Variants in ANKFN1 observed in about 807,000 individuals in gnomAD.
ANKFN1 encodes ankyrin repeat and fibronectin type III domain containing 1.
Under a neutral mutation model 108.7 loss-of-function variants are expected in ANKFN1, and 74 were observed. The ratio of observed to expected loss-of-function variants is 0.68; its 90% CI spans 0.56 to 0.83. ANKFN1 has a LOEUF of 0.83. Among genes scored for constraint, ANKFN1 ranks in the 40% least tolerant of loss-of-function variants. The pLI is 0.00. For missense variants in ANKFN1, 1,505 were observed against 1,382.3 expected (o/e 1.09, Z -1.41); for synonymous variants, 547 against 516.2 (o/e 1.06, Z -0.81).
intron 8 of ANKFN1, among the ~76,000 whole-genome samples, chr17:56,420,240 G>C (rs1422681759): frequency 2.0e-5 from 3 of 152,136 alleles, no homozygotes; most frequent in Admixed American, 6.5e-5. Context: ...AGAACCTGCT[G>C]ACTTAGAGGA....
chr17:56,074,788 T>A (rs1184520698), intron 4 of ANKFN1, among the ~76,000 whole-genome samples: 2 of 152,160 alleles, frequency 1.3e-5, no homozygotes, highest in African/African-American at 4.8e-5. Flanking sequence ...TCCTTAATAA[T>A]GAAAATAAAT....
At chr17:56,462,545 G>A (rs774207865) in intron 14 of ANKFN1, among the ~76,000 whole-genome samples, 2 of 152,182 alleles carry the variant, frequency 1.3e-5, no homozygotes, top group Admixed American at 6.5e-5. Flanking sequence ...GGTGAGCTGA[G>A]ATCGCACCAT....
intron 3 of ANKFN1, among the ~76,000 whole-genome samples, chr17:56,243,122 G>C (rs1417041575): frequency 2.6e-5 from 4 of 151,924 alleles, no homozygotes; most frequent in Non-Finnish European, 5.9e-5. Context: ...ATTTTCTTTT[G>C]TTGTTGTGGT....
chr17:56,354,153 T>C, intron 6 of ANKFN1, 107 bp downstream of exon 6: 1 of 1,021,576 alleles, frequency 9.8e-7, no homozygotes, highest in Non-Finnish European at 1.4e-6. Flanking sequence ...TGACTAAGCA[T>C]AGACTCTGAT....
chr17:56,383,030 TC>T (rs1347037118), intron 8 of ANKFN1, among the ~76,000 whole-genome samples: 1 of 152,156 alleles, frequency 6.6e-6, no homozygotes, highest in African/African-American at 2.4e-5. Context: ...ATATACATTT[TC>T]TTCAGCACCA....
chr17:56,344,782 T>A (rs1044583586), intron 4 of ANKFN1, among the ~76,000 whole-genome samples: 1 of 152,002 alleles, frequency 6.6e-6, no homozygotes, highest in Non-Finnish European at 1.5e-5. Context: ...GATGAAATAA[T>A]GACAGTTCTC....
intron 20 of ANKFN1, among the ~76,000 whole-genome samples, chr17:56,505,482 A>T (rs894757459): frequency 6.6e-6 from 1 of 152,320 alleles, no homozygotes; most frequent in East Asian, 1.9e-4. Context: ...TGGGAAATAC[A>T]AAAGATTCTA....
At chr17:56,499,882 C>T (rs1271251849) in intron 20 of ANKFN1, among the ~76,000 whole-genome samples, 4 of 152,218 alleles carry the variant, frequency 2.6e-5, no homozygotes, top group Non-Finnish European at 4.4e-5. Flanking sequence ...AAAGTAATGG[C>T]GATTCAAAGC....
chr17:56,110,025 T>C (rs1235842142), intron 4 of ANKFN1, among the ~76,000 whole-genome samples: 2 of 152,278 alleles, frequency 1.3e-5, no homozygotes, highest in African/African-American at 4.8e-5. Flanking sequence ...CCAGGAGAGG[T>C]TGGTTAGTTT....
chr17:56,159,624 A>G (rs1909455511), intron 1 of ANKFN1, among the ~76,000 whole-genome samples: 1 of 152,216 alleles, frequency 6.6e-6, no homozygotes, highest in South Asian at 2.1e-4. Flanking sequence ...GACAGTGTCC[A>G]TTGGAGACAC....
chr17:56,489,702 T>G (rs1027882434), intron 18 of ANKFN1, among the ~76,000 whole-genome samples: 6 of 152,192 alleles, frequency 3.9e-5, no homozygotes, highest in African/African-American at 1.4e-4. Context: ...TCCAGTCATA[T>G]TTTAGAAAGG....
At chr17:56,500,517 C>G (rs1357698929) in intron 20 of ANKFN1, among the ~76,000 whole-genome samples, 1 of 152,108 alleles carries the variant, frequency 6.6e-6, no homozygotes, top group African/African-American at 2.4e-5. Flanking sequence ...GATATATTAA[C>G]AAAAAATTAC....
chr17:56,404,860 T>A (rs2047871143), intron 8 of ANKFN1, among the ~76,000 whole-genome samples: 1 of 152,228 alleles, frequency 6.6e-6, no homozygotes, highest in South Asian at 2.1e-4. Flanking sequence ...GTTACCTTGA[T>A]GTAATACTCT....
intron 4 of ANKFN1, among the ~76,000 whole-genome samples, chr17:56,096,089 A>C (rs925032429): frequency 2.0e-5 from 3 of 152,206 alleles, no homozygotes; most frequent in African/African-American, 7.2e-5. Context: ...TGTTAGCACT[A>C]AATTAAAGAG....
chr17:56,088,098 A>G (rs1905349739), intron 4 of ANKFN1, among the ~76,000 whole-genome samples: 2 of 151,290 alleles, frequency 1.3e-5, no homozygotes, highest in Non-Finnish European at 1.5e-5. Context: ...CCCTCCAGGT[A>G]GAATCTTCTT....
At chr17:56,228,032 C>T (rs1916417534) in intron 3 of ANKFN1, 75 bp downstream of exon 3, 6 of 1,245,498 alleles carry the variant, frequency 4.8e-6, no homozygotes, top group African/African-American at 3.1e-5. Flanking sequence ...CTTTAAGGCT[C>T]CCATCTCACA....
At chr17:56,113,681 A>G (rs1906102569) in intron 4 of ANKFN1, among the ~76,000 whole-genome samples, 1 of 152,244 alleles carries the variant, frequency 6.6e-6, no homozygotes, top group Non-Finnish European at 1.5e-5. Context: ...GGTGCCTGGA[A>G]AATAAACATT....
At chr17:56,050,727 G>A (rs1400574951) in intron 4 of ANKFN1, among the ~76,000 whole-genome samples, 5 of 151,928 alleles carry the variant, frequency 3.3e-5, no homozygotes, top group African/African-American at 1.2e-4. Flanking sequence ...ATTTCTGAGG[G>A]CTCTGTTCTG....
At chr17:56,171,766 A>G (rs1598176500) in intron 1 of ANKFN1, among the ~76,000 whole-genome samples, 1 of 152,192 alleles carries the variant, frequency 6.6e-6, no homozygotes, top group African/African-American at 2.4e-5. Flanking sequence ...CTGTCCAGGC[A>G]CAGATGAGAA....
Sources: gnomAD v4.1 joint callset for allele counts (sites outside exome capture counted in the v4.1 genomes callset) on GRCh38, gnomAD v4.1.1 for gene constraint, MANE v1.5 for transcripts, NCBI Gene and HGNC (gene_info 2026-07-23, HGNC 2026-07-21) for gene names.